Variants in CDH18 observed in about 807,000 individuals in gnomAD.
CDH18 encodes the protein cadherin 18.
A neutral mutation model predicts 67.9 loss-of-function variants in CDH18; 31 were observed. The observed-to-expected ratio is 0.46, with a 90% CI of 0.34 to 0.62. The LOEUF (loss-of-function observed/expected upper bound fraction) is 0.62. CDH18 is among the 20% of genes least tolerant of loss of function. CDH18 has a pLI of 0.01. For synonymous variants in CDH18, 362 were observed against 347.2 expected, an observed-to-expected ratio of 1.04 and a Z score of -0.48; for missense variants, 890 against 975.5, an observed-to-expected ratio of 0.91 and a Z score of 1.17.
intron 5 of CDH18, among the ~76,000 whole-genome samples, chr5:19,710,373 A>G (rs1764560245): frequency 6.6e-6 from 1 of 152,154 alleles, no homozygotes; most frequent in African/African-American, 2.4e-5. Context: ...TGCACTAACC[A>G]TTATGGAAGA....
chr5:20,127,276 G>A (rs189200901), intron 2 of CDH18, among the ~76,000 whole-genome samples: 126 of 152,074 alleles, frequency 8.3e-4, no homozygotes, highest in Admixed American at 1.4e-3. Context: ...TTCCACCACT[G>A]ATTGTAAGTT....
intron 1 of CDH18, among the ~76,000 whole-genome samples, chr5:20,574,252 AAC>A (rs150311907): frequency 0.013 from 1,950 of 152,052 alleles, 45 homozygotes; most frequent in African/African-American, 0.045. Context: ...GGGTGAATAA[AAC>A]ACACAAAAAC....
rs1464235192 is a variant in CDH18, at chr5:20,154,134, A to C, written c.-518+101310T>G. ...TGCCAGTACTCTTAACCTTGGAGAGAGTTGGCTTTCTCTCTATGGTTAATG... is the reference window on the plus strand; with the variant it reads ...TGCCAGTACTCTTAACCTTGGAGAGCGTTGGCTTTCTCTCTATGGTTAATG... On this transcript the variant is annotated intron_variant, in intron 2 of 14. Coordinates refer to the CDH18 transcript ENST00000507958. 2.0e-5 allele frequency among the ~76,000 whole-genome samples: 3 copies of C among 152,258 alleles called. No homozygotes were observed. The South Asian group carries it at 6.2e-4, about 32-fold the overall frequency.
chr5:19,805,635 C>T (rs1777961674), intron 3 of CDH18, among the ~76,000 whole-genome samples: 1 of 152,172 alleles, frequency 6.6e-6, no homozygotes, highest in African/African-American at 2.4e-5. Context: ...AACTTCATCA[C>T]TCTCATGCCC....
At chr5:19,990,125 T>C (rs192623588), upstream of CDH18, among the ~76,000 whole-genome samples, 613 of 152,308 alleles carry the variant, frequency 4.0e-3, 2 homozygotes, top group African/African-American at 0.014. Context: ...TTCCAATCTT[T>C]CTATGTTGAT....
intron 1 of CDH18, among the ~76,000 whole-genome samples, chr5:20,402,006 G>C (rs146377711): frequency 6.6e-6 from 1 of 151,982 alleles, no homozygotes; most frequent in Non-Finnish European, 1.5e-5. Flanking sequence ...TCTTCATCTA[G>C]CATGGCTCTT....
chr5:20,106,002 TC>T (rs1185922255), intron 2 of CDH18, among the ~76,000 whole-genome samples: 1 of 152,164 alleles, frequency 6.6e-6, no homozygotes, highest in Non-Finnish European at 1.5e-5. Context: ...CTCTTTTCTG[TC>T]CCCCTTTTTT....
chr5:20,237,126 AT>A (rs1305136631), intron 2 of CDH18, among the ~76,000 whole-genome samples: 1 of 152,002 alleles, frequency 6.6e-6, no homozygotes, highest in African/African-American at 2.4e-5. Context: ...CCCACTATAC[AT>A]TCCTAATGAA....
rs549637227 is a variant in CDH18, at chr5:19,797,807, T to G, written c.228+40952A>C. ...TTTTGAAATCCCAGCTTGAATTTTT[T>G]TTATAAATATAGGCAAGCCTATTCT... On this transcript the variant is annotated intron_variant, in intron 3 of 12. Transcript: ENST00000382275. Among the ~76,000 whole-genome samples the G allele has an allele frequency of 2.0e-5, 3 of 152,196 alleles. No individual in the cohort carries two copies. In the East Asian group the frequency reaches 5.8e-4, roughly 29 times the overall value.
chr5:20,131,391 C>T (rs1232837336), intron 2 of CDH18, among the ~76,000 whole-genome samples: 1 of 151,830 alleles, frequency 6.6e-6, no homozygotes, highest in Non-Finnish European at 1.5e-5. Flanking sequence ...CTATGCAACC[C>T]ACATATATAT....
chr5:19,549,737 AAGAG>A (rs1184061486), intron 8 of CDH18, among the ~76,000 whole-genome samples: 1 of 137,084 alleles, frequency 7.3e-6, no homozygotes, highest in South Asian at 2.2e-4. Context: ...AAGAAAGAGA[AAGAG>A]AGAAAAGAAA....
intron 1 of CDH18, among the ~76,000 whole-genome samples, chr5:20,414,729 C>T (rs1458415888): frequency 6.6e-6 from 1 of 152,154 alleles, no homozygotes; most frequent in African/African-American, 2.4e-5. Context: ...TGGTCAACAT[C>T]ACTAATCATG....
intron 6 of CDH18, among the ~76,000 whole-genome samples, chr5:19,605,103 GAATT>G (rs1318431687): frequency 1.3e-5 from 2 of 151,736 alleles, no homozygotes; most frequent in African/African-American, 4.8e-5. Context: ...AAAGGAAAAG[GAATT>G]ATTCTGTAAC....
chr5:20,172,591 T>C (rs984882074), intron 2 of CDH18, among the ~76,000 whole-genome samples: 1 of 151,756 alleles, frequency 6.6e-6, no homozygotes, highest in African/African-American at 2.4e-5. Context: ...CTTGCCACTG[T>C]TTATCTAAAA....
intron 1 of CDH18, among the ~76,000 whole-genome samples, chr5:20,274,325 A>G (rs143717824): frequency 2.0e-5 from 3 of 152,178 alleles, no homozygotes; most frequent in East Asian, 1.9e-4. Flanking sequence ...TACACGCAGC[A>G]TGGCTGAATC....
At chr5:19,682,532 C>G (rs1455045982) in intron 5 of CDH18, among the ~76,000 whole-genome samples, 1 of 152,006 alleles carries the variant, frequency 6.6e-6, no homozygotes, top group Admixed American at 6.6e-5. Context: ...AGTCCTCTCT[C>G]TTCTAAGCTT....
intron 11 of CDH18, among the ~76,000 whole-genome samples, chr5:19,485,563 A>G (rs1740263639): frequency 1.3e-5 from 2 of 152,058 alleles, no homozygotes; most frequent in South Asian, 2.1e-4. Context: ...CCAGCTGTCT[A>G]TTTTTAAACA....
intron 1 of CDH18, among the ~76,000 whole-genome samples, chr5:20,508,326 TATATATATATATATATA>T (rs1754781306): frequency 6.9e-4 from 9 of 13,002 alleles, no homozygotes; most frequent in African/African-American, 3.5e-3. Flanking sequence ...ACTATGATTA[TATATATATATATATATA>T]TATATATATA....
chr5:20,232,098 T>C (rs1742124315), intron 2 of CDH18, among the ~76,000 whole-genome samples: 1 of 152,110 alleles, frequency 6.6e-6, no homozygotes, highest in South Asian at 2.1e-4. Context: ...TCTAAATTGA[T>C]TTCACTAAAA....
Sources: gnomAD v4.1 joint callset for allele counts (sites outside exome capture counted in the v4.1 genomes callset) on GRCh38, gnomAD v4.1.1 for gene constraint, MANE v1.5 for transcripts, NCBI Gene and HGNC (gene_info 2026-07-23, HGNC 2026-07-21) for gene names.